PKM: variants seen among roughly 807,000 people sequenced by gnomAD.
PKM encodes pyruvate kinase PKM.
Under a neutral mutation model 49.8 loss-of-function variants are expected in PKM, and 18 were observed. The observed-to-expected ratio is 0.36, with a 90% CI of 0.25 to 0.54. The LOEUF (loss-of-function observed/expected upper bound fraction) is 0.54, where lower values mean the gene tolerates loss of function less well. Among genes scored for constraint, PKM ranks in the 20% least tolerant of loss-of-function variants. PKM has a pLI of 0.89. For missense variants in PKM, 508 were observed against 713.8 expected, an observed-to-expected ratio of 0.71 and a Z score of 3.28; for synonymous variants, 239 against 261.8, an observed-to-expected ratio of 0.91 and a Z score of 0.84.
chr15:72,231,098 G>GCCTCCTGCACCGCTCA lies in PKM; in HGVS notation c.-14+2_-14+17dup, dbSNP rs2082855490. ...GCCCTTGGTGGGGACTGATGGCGTA[G>GCCTCCTGCACCGCTCA]CCTCCTGCACCGCTCACCTCCGGCG... On this transcript the variant is annotated intron_variant, in intron 1 of 10. Transcript: ENST00000335181. The GCCTCCTGCACCGCTCA allele has an allele frequency of 2.1e-6, 1 of 465,998 alleles. No individual in the cohort carries two copies. The highest frequency in any genetic ancestry group is 3.9e-6 in the Non-Finnish European group (1 of 257,294). 28.9% of individuals were successfully genotyped at this position (465,998 alleles called of 1,614,324 possible). A position where few individuals can be genotyped will look rare whatever the true frequency, so the allele number is the denominator to read the frequency against.
In PKM at chr15:72,199,739, A is replaced by G; in HGVS notation, c.1507T>C (p.Phe503Leu). ...AMNVGKARGF[F>L]KKGDVVIVLT... Reference sequence around the variant, plus strand: ...ACAATGACCACATCTCCCTTCTTGAAGAAGCCTCGGGCCTTGCCTGGAGGA... The same window carrying G: ...ACAATGACCACATCTCCCTTCTTGAGGAAGCCTCGGGCCTTGCCTGGAGGA... Residue 503 changes from phenylalanine to leucine, a missense_variant, in exon 11 of 11, where the codon TTC becomes CTC. Physicochemically the swap from Phe to Leu is conservative, Grantham distance 22. Transcript: ENST00000335181. 6.2e-6 allele frequency: 10 copies of G among 1,613,822 alleles called. No homozygotes were observed. The highest frequency in any genetic ancestry group is 8.5e-6 in the Non-Finnish European group (10 of 1,179,748).
chr15:72,209,887 C>CA, intron 4 of PKM, 28 bp from the exon 5 acceptor site: 1 of 1,594,114 alleles, frequency 6.3e-7, no homozygotes, highest in Non-Finnish European at 8.6e-7. Context: ...AGCAAGAGTC[C>CA]AAACTGGAGA....
chr15:72,206,667 C>T (rs912658311), intron 8 of PKM, 61 bp downstream of exon 8: 2 of 1,540,024 alleles, frequency 1.3e-6, no homozygotes, highest in African/African-American at 2.7e-5. Context: ...TGCACCAGAG[C>T]TTGCATCCAT....
intron 8 of PKM, chr15:72,204,607 G>C (rs544357068): frequency 1.4e-4 from 22 of 152,260 alleles, no homozygotes; most frequent in African/African-American, 5.1e-4. Context: ...ATAAATGGAG[G>C]TAATGGGAGT....
In PKM at chr15:72,202,024, A is replaced by AG. The variant is rs8192426; in HGVS notation, c.1307+429dup. 33 of 244,344 alleles carry AG rather than the reference A, an allele frequency of 1.4e-4. No homozygotes were observed. The highest frequency in any genetic ancestry group is 7.5e-4 in the African/African-American group (33 of 43,836). The allele number at this position is 244,344 out of a possible 1,614,324, so 15.1% of individuals were successfully genotyped here. A position where few individuals can be genotyped will look rare whatever the true frequency, so the allele number is the denominator to read the frequency against. On this transcript the variant is annotated intron_variant, in intron 9 of 10. Transcript: ENST00000335181. This position sits in a 1 kb window ranked among gnomAD's most constrained non-coding sequence, Gnocchi z 4.5. The stretch of plus-strand genomic sequence containing the variant: ...TTTGTCTTTAGGGCTCAAAAACAGC[A>AG]GGGACTAGTGTGCCAAATGGAGGCA...
Position 72,202,571 on chromosome 15 carries a change from T to C in PKM, c.1190A>G (p.Glu397Gly). 6.2e-7 allele frequency: 1 copy of C among 1,613,600 alleles called. No individual in the cohort carries two copies. Among genetic ancestry groups the C allele is most frequent in the Non-Finnish European group, 8.5e-7 (1 of 1,179,900 alleles). Residue 397 changes from glutamate (E) to glycine (G), a missense_variant, in exon 9 of 11, where the codon GAA becomes GGA. Glu to Gly is a moderately conservative substitution (Grantham distance 98). Coordinates refer to ENST00000335181, the MANE Select transcript of PKM (RefSeq NM_002654.6). This position sits in a 1 kb window ranked among gnomAD's most constrained non-coding sequence, Gnocchi z 4.5. ...AAIYHLQLFE[E>G]LRRLAPITSD... is the part of the protein sequence containing the mutation. Reference sequence around the variant, plus strand: ...GGTAATGGGCGCCAGGCGGCGGAGTTCCTCAAATAATTGCAAGTGGTAGAT... The same window carrying C: ...GGTAATGGGCGCCAGGCGGCGGAGTCCCTCAAATAATTGCAAGTGGTAGAT...
intron 2 of PKM, among the ~76,000 whole-genome samples, chr15:72,218,599 TTTTTTCACTTTTTGGA>T (rs1313618177): frequency 2.5e-4 from 38 of 151,778 alleles, no homozygotes; most frequent in African/African-American, 8.9e-4. Flanking sequence ...TTTTTTTTTT[TTTTTTCACTTTTTGGA>T]GAGACAGGGT....
chr15:72,212,522 T>C (rs1596759746), intron 3 of PKM, among the ~76,000 whole-genome samples: 1 of 152,076 alleles, frequency 6.6e-6, no homozygotes, highest in East Asian at 1.9e-4. Flanking sequence ...TGTTTTCTTT[T>C]AAGGGGATAG....
chr15:72,230,996 C>A (rs778049908), intron 1 of PKM, 120 bp downstream of exon 1: 1 of 1,274,024 alleles, frequency 7.8e-7, no homozygotes, highest in Non-Finnish European at 1.0e-6. Context: ...ATCCCAGACG[C>A]CCTGGATCCT....
At chr15:72,212,856 G>C (rs780410505) in intron 3 of PKM, among the ~76,000 whole-genome samples, 1 of 152,140 alleles carries the variant, frequency 6.6e-6, no homozygotes, top group Non-Finnish European at 1.5e-5. Flanking sequence ...GGGATCACAA[G>C]GTCAGGAGAT....
At chr15:72,212,484 G>GA (rs56161510) in intron 3 of PKM, among the ~76,000 whole-genome samples, 33,899 of 132,858 alleles carry the variant, frequency 0.26, 4,022 homozygotes, top group East Asian at 0.47. Flanking sequence ...GTCTCTAAAA[G>GA]AAAAAAAAAA....
intron 1 of PKM, chr15:72,228,825 C>G (rs1172066842): frequency 3.0e-6 from 1 of 328,450 alleles, no homozygotes; most frequent in Non-Finnish European, 6.1e-6. Flanking sequence ...AGACGGCCAA[C>G]TGGGGGCTAC....
intron 3 of PKM, among the ~76,000 whole-genome samples, chr15:72,216,316 T>C (rs908248694): frequency 1.3e-5 from 2 of 152,208 alleles, no homozygotes; most frequent in Admixed American, 1.3e-4. Context: ...GGGAAACCTA[T>C]GGTTAAGTCT....
intron 1 of PKM, among the ~76,000 whole-genome samples, chr15:72,222,105 C>T (rs1218872773): frequency 6.6e-6 from 1 of 152,160 alleles, no homozygotes; most frequent in Non-Finnish European, 1.5e-5. Flanking sequence ...ATTATATTGG[C>T]CTCAAACACA....
intron 1 of PKM, among the ~76,000 whole-genome samples, chr15:72,224,311 AG>A (rs1469698540): frequency 6.6e-6 from 1 of 152,170 alleles, no homozygotes; most frequent in Non-Finnish European, 1.5e-5. Context: ...ACCCTGATTT[AG>A]GGTCCTCTTA....
At chr15:72,229,573 G>A in intron 1 of PKM, 1 of 1,287,912 alleles carries the variant, frequency 7.8e-7, no homozygotes, top group South Asian at 1.2e-5. Context: ...ATGATCTTCA[G>A]ACTGGAAGGT....
rs1225661051 is a variant in PKM at position 72,221,311 on chromosome 15, A to C, written c.-13-2201T>G. The C allele has an allele frequency of 7.9e-6, 11 of 1,384,264 alleles. No individual in the cohort carries two copies. The Admixed American group carries it at 2.2e-4, about 28-fold the overall frequency. The allele number at this position is 1,384,264 out of a possible 1,614,324, so 85.7% of individuals were successfully genotyped here. A position where few individuals can be genotyped will look rare whatever the true frequency, so the allele number is the denominator to read the frequency against. On this transcript the variant is annotated intron_variant, in intron 1 of 10. Transcript: ENST00000335181. ...TGCACAAGGATTAAGGAAAAAGCTG[A>C]GTGTAACTAAAGCTCTTTGGGGTAA... is the stretch of plus-strand genomic sequence containing the variant.
At chr15:72,225,187 C>G (rs1266554639) in intron 1 of PKM, among the ~76,000 whole-genome samples, 1 of 151,134 alleles carries the variant, frequency 6.6e-6, no homozygotes, top group Non-Finnish European at 1.5e-5. Context: ...CCGCCCACCT[C>G]AGCTTCCCAA....
At chr15:72,228,546 G>T (rs2140825667) in intron 1 of PKM, 4 of 864,798 alleles carry the variant, frequency 4.6e-6, no homozygotes, top group East Asian at 6.2e-5. Context: ...TTTTAAGCCT[G>T]CAAGAACCAC....
Sources: gnomAD v4.1 joint callset for allele counts (sites outside exome capture counted in the v4.1 genomes callset) on GRCh38, gnomAD v4.1.1 for gene constraint, Gnocchi (gnomAD v3.1) non-coding constraint, MANE v1.5 for transcripts, NCBI Gene and HGNC (gene_info 2026-07-23, HGNC 2026-07-21) for gene names.